TAS2R1: variants seen among roughly 807,000 people sequenced by gnomAD.
TAS2R1 encodes the protein taste receptor type 2 member 1.
For synonymous variants in TAS2R1, 141 were observed against 134.2 expected (o/e 1.05, Z -0.35); for missense variants, 370 against 353.4 (o/e 1.05, Z -0.38).
chr5:9,628,128 TTATCTATCTATC>T lies in TAS2R1; in HGVS notation c.*993_*1004del, dbSNP rs35524938. 0.012 allele frequency among the ~76,000 whole-genome samples: 1,767 copies of T among 146,596 alleles called. 33 individuals are homozygous for T. Among genetic ancestry groups the T allele is most frequent in the African/African-American group, 0.04 (1,569 of 39,430 alleles). On this transcript the variant is annotated 3_prime_UTR_variant, in exon 1 of 1. Transcript: ENST00000382492. ...ATACAAGTATATCTATCTCCATAAT[TTATCTATCTATC>T]TATCTATCTATCTATCTATCTATCT...
the TAS2R1 span, among the ~76,000 whole-genome samples, chr5:9,740,110 C>G: frequency 6.6e-6 from 1 of 152,140 alleles, no homozygotes; most frequent in Non-Finnish European, 1.5e-5. Flanking sequence ...GTAACCAAAA[C>G]GACCTCTGGT....
the TAS2R1 span, among the ~76,000 whole-genome samples, chr5:9,742,581 CTTAT>C: frequency 1.3e-5 from 2 of 152,150 alleles, no homozygotes; most frequent in Non-Finnish European, 2.9e-5. Context: ...ATTTTTATGT[CTTAT>C]TTAAGATCTG....
At chr5:9,811,444 C>T in the TAS2R1 span, among the ~76,000 whole-genome samples, 5 of 152,148 alleles carry the variant, frequency 3.3e-5, no homozygotes, top group Non-Finnish European at 7.4e-5. Context: ...ATCCCCTGCC[C>T]CCTAAACTTA....
At chr5:9,704,550 G>C (rs1347323370) in intron 1 of TAS2R1, among the ~76,000 whole-genome samples, 1 of 152,098 alleles carries the variant, frequency 6.6e-6, no homozygotes, top group African/African-American at 2.4e-5. Context: ...TAAAATTGCA[G>C]ATTTTTTAAG....
the TAS2R1 span, among the ~76,000 whole-genome samples, chr5:9,869,155 A>C: frequency 1.3e-5 from 2 of 152,110 alleles, no homozygotes; most frequent in African/African-American, 4.8e-5. Flanking sequence ...TTCCAAAGTC[A>C]CTTCCACAAT....
chr5:9,633,319 T>TATATATATATATATATATATACATAC (rs1475834697), upstream of TAS2R1, among the ~76,000 whole-genome samples: 6 of 137,516 alleles, frequency 4.4e-5, no homozygotes, highest in African/African-American at 1.8e-4. Flanking sequence ...TATATATATA[T>TATATATATATATATATATATACATAC]ACACAAATGT....
the TAS2R1 span, among the ~76,000 whole-genome samples, chr5:9,744,353 T>C: frequency 4.6e-5 from 7 of 152,206 alleles, no homozygotes; most frequent in Admixed American, 4.6e-4. Flanking sequence ...AGGAAAATTA[T>C]TAAGTGGACA....
At chr5:9,808,779 T>G in the TAS2R1 span, among the ~76,000 whole-genome samples, 1 of 152,170 alleles carries the variant, frequency 6.6e-6, no homozygotes, top group East Asian at 1.9e-4. Flanking sequence ...CACAGGCTTA[T>G]GAGGTGGACC....
the TAS2R1 span, among the ~76,000 whole-genome samples, chr5:9,761,395 G>A: frequency 6.6e-6 from 1 of 150,962 alleles, no homozygotes; most frequent in Non-Finnish European, 1.5e-5. Flanking sequence ...AGGTCTTGAT[G>A]GTTATACTTC....
At chr5:9,695,908 T>C (rs1741346871) in intron 1 of TAS2R1, among the ~76,000 whole-genome samples, 1 of 152,150 alleles carries the variant, frequency 6.6e-6, no homozygotes, top group Non-Finnish European at 1.5e-5. Flanking sequence ...TAATGTGTGA[T>C]AAAAACATTT....
At chr5:9,814,835 C>G in the TAS2R1 span, among the ~76,000 whole-genome samples, 29,350 of 152,126 alleles carry the variant, frequency 0.19, 3,355 homozygotes, top group Middle Eastern at 0.31. Flanking sequence ...ATTTGCAAAA[C>G]AGGAACAGAA....
the TAS2R1 span, among the ~76,000 whole-genome samples, chr5:9,866,412 T>C: frequency 2.6e-5 from 4 of 152,244 alleles, no homozygotes; most frequent in African/African-American, 4.8e-5. Flanking sequence ...TATTTTTTTG[T>C]ACACCTGTTT....
chr5:9,642,638 C>T (rs565355279), intron 2 of TAS2R1, among the ~76,000 whole-genome samples: 1 of 152,150 alleles, frequency 6.6e-6, no homozygotes, highest in Non-Finnish European at 1.5e-5. Context: ...TGTCCCTTCC[C>T]TTGCTCAATT....
the TAS2R1 span, among the ~76,000 whole-genome samples, chr5:9,898,679 G>A: frequency 6.6e-6 from 1 of 152,086 alleles, no homozygotes. Context: ...GCATGATCAG[G>A]ACACAGAATT....
chr5:9,806,232 A>G, the TAS2R1 span, among the ~76,000 whole-genome samples: 1 of 152,106 alleles, frequency 6.6e-6, no homozygotes, highest in Non-Finnish European at 1.5e-5. Context: ...ACTACAAAAC[A>G]CTGCTGAAAG....
the TAS2R1 span, among the ~76,000 whole-genome samples, chr5:9,844,172 A>G: frequency 6.6e-6 from 1 of 152,186 alleles, no homozygotes; most frequent in East Asian, 1.9e-4. Context: ...AAGGATATAA[A>G]CCAGGAGGGC....
the TAS2R1 span, among the ~76,000 whole-genome samples, chr5:9,725,913 A>C: frequency 6.0e-5 from 9 of 150,146 alleles, no homozygotes; most frequent in East Asian, 1.8e-3. Flanking sequence ...GTATCTAGCT[A>C]TTCTGGTGGG....
chr5:9,727,586 A>C, the TAS2R1 span, among the ~76,000 whole-genome samples: 4 of 152,218 alleles, frequency 2.6e-5, no homozygotes, highest in Admixed American at 6.5e-5. Context: ...AAGAGAAATC[A>C]GATTGAAAAT....
the TAS2R1 span, among the ~76,000 whole-genome samples, chr5:9,770,104 G>C: frequency 6.6e-6 from 1 of 152,038 alleles, no homozygotes; most frequent in Non-Finnish European, 1.5e-5. Flanking sequence ...TGGCAAGATG[G>C]GGTCTAGTAT....
Sources: gnomAD v4.1 joint callset for allele counts (sites outside exome capture counted in the v4.1 genomes callset) on GRCh38, gnomAD v4.1.1 for gene constraint, MANE v1.5 for transcripts, NCBI Gene and HGNC (gene_info 2026-07-23, HGNC 2026-07-21) for gene names.